Variants in TOP1 observed in about 807,000 individuals in gnomAD.
TOP1 encodes DNA topoisomerase I.
A neutral mutation model predicts 111.1 loss-of-function variants in TOP1; 10 were observed. The observed-to-expected ratio is 0.09, with a 90% CI of 0.06 to 0.15. TOP1 has a LOEUF of 0.15. Among genes scored for constraint, TOP1 ranks in the 10% least tolerant of loss-of-function variants. TOP1 has a pLI of 1.00. For synonymous variants in TOP1, 271 were observed against 302.9 expected (o/e 0.89, Z 1.10); for missense variants, 474 against 926.7 (o/e 0.51, Z 6.34).
chr20:41,028,985 C>A lies in TOP1; in HGVS notation c.-83C>A, dbSNP rs34282819. 84,141 of 1,258,230 alleles carry A rather than the reference C, an allele frequency of 0.067. 3,350 individuals are homozygous for A. Among genetic ancestry groups the A allele is most frequent in the South Asian group, 0.12 (9,222 of 77,652 alleles). 77.9% of individuals were successfully genotyped at this position (1,258,230 alleles called of 1,614,324 possible). ...CGCCTCCTCGAGCCTCCGGAGTCCC[C>A]GTCCGCCCGCACAGGCCGGTTCGCC... On this transcript the variant is annotated 5_prime_UTR_variant, in exon 1 of 21. Coordinates refer to ENST00000361337, the MANE Select transcript of TOP1 (RefSeq NM_003286.4).
chr20:41,080,940 C>T lies in TOP1; in HGVS notation c.432-225C>T, dbSNP rs117926909. On this transcript the variant is annotated intron_variant, in intron 6 of 20. Transcript: ENST00000361337. The surrounding 1 kb of genome is among the most constrained non-coding windows in gnomAD (Gnocchi z 5.0). ...CCCCCACCCTATTTTGCTTCCAGGC[C>T]GGTGTAAGTGGTTTGTTTTGTTCTA... Among the ~76,000 whole-genome samples, 51 of 151,992 alleles carry T rather than the reference C, an allele frequency of 3.4e-4. No individual in the cohort carries two copies. In the East Asian group the frequency reaches 8.1e-3, roughly 24 times the overall value.
chr20:41,084,668 G>T, intron 8 of TOP1, 100 bp downstream of exon 8: 1 of 681,954 alleles, frequency 1.5e-6, no homozygotes, highest in South Asian at 2.6e-5. Context: ...GATATTTGGG[G>T]GGAAATACTT....
rs769377336 is a variant in TOP1 at position 41,116,389 on chromosome 20, G to T, written c.1819G>T (p.Ala607Ser). The T allele has an allele frequency of 6.2e-7, 1 of 1,613,690 alleles. No homozygotes were observed. The highest frequency in any genetic ancestry group is 1.7e-5 in the Admixed American group (1 of 60,026). Residue 607 changes from alanine to serine, a missense_variant, in exon 17 of 21, where the codon GCC (alanine) becomes TCC (serine). Transcript: ENST00000361337. The surrounding 1 kb of genome is among the most constrained non-coding windows in gnomAD (Gnocchi z 5.6). ...TLQQQLKELT[A>S]PDENIPAKIL... ...ACAGCAGCAGCTAAAAGAACTGACA[G>T]CCCGTAAGTATTGCTTGGCCAGATA...
In TOP1 at chr20:41,114,215, ACTG is replaced by A. The variant is rs766029757; in HGVS notation, c.1638+63_1638+65del. 280 of 1,479,582 alleles carry A rather than the reference ACTG, an allele frequency of 1.9e-4. No homozygotes were observed. Among genetic ancestry groups the A allele is most frequent in the Middle Eastern group, 1.4e-3 (6 of 4,140 alleles). 91.7% of individuals were successfully genotyped at this position (1,479,582 alleles called of 1,614,324 possible). On this transcript the variant is annotated intron_variant, in intron 15 of 20. Coordinates refer to ENST00000361337, the MANE Select transcript of TOP1 (RefSeq NM_003286.4). This position sits in a 1 kb window ranked among gnomAD's most constrained non-coding sequence, Gnocchi z 4.5. ...TCCATTATTCAACAAGCATGGGTTG[ACTG>A]CTTTTTTGTGTGCTTTGCACTTTGC...
intron 9 of TOP1, among the ~76,000 whole-genome samples, chr20:41,096,108 C>G (rs2033978328): frequency 6.6e-6 from 1 of 152,030 alleles, no homozygotes; most frequent in Non-Finnish European, 1.5e-5. Context: ...AGTCTGTTGC[C>G]CAGGCTGAAG....
At chr20:41,065,658 A>G (rs1600568775) in intron 3 of TOP1, among the ~76,000 whole-genome samples, 1 of 152,132 alleles carries the variant, frequency 6.6e-6, no homozygotes, top group Non-Finnish European at 1.5e-5. Flanking sequence ...GAATAATACA[A>G]TATTTATCTT....
At chr20:41,064,743 G>A (rs2033586792) in intron 3 of TOP1, among the ~76,000 whole-genome samples, 1 of 151,998 alleles carries the variant, frequency 6.6e-6, no homozygotes, top group South Asian at 2.1e-4. Context: ...CCACTTTTGT[G>A]TGCTCTCTGG....
chr20:41,097,243 A>G lies in TOP1; in HGVS notation c.754A>G (p.Lys252Glu). 1 of 1,614,052 alleles carries G rather than the reference A, an allele frequency of 6.2e-7. No individual in the cohort carries two copies. Among genetic ancestry groups the G allele is most frequent in the Non-Finnish European group, 8.5e-7 (1 of 1,179,998 alleles). The change falls in exon 10 of 21, where the codon AAA becomes GAA. Residue 252 changes from lysine (K) to glutamate (E), a missense_variant. Transcript: ENST00000361337. The surrounding 1 kb of genome is among the most constrained non-coding windows in gnomAD (Gnocchi z 4.2). ...YDGKVMKLSP[K>E]AEEVATFFAK... ...AGGTAAAGTCATGAAGCTGAGCCCC[A>G]AAGCAGAGGAAGTAGCTACGTTCTT... is the stretch of plus-strand genomic sequence containing the variant.
rs6129731 is a variant in TOP1, at chr20:41,032,047, A to T, written c.58+2592A>T. On this transcript the variant is annotated intron_variant, in intron 2 of 20. Coordinates refer to ENST00000361337, the MANE Select transcript of TOP1 (RefSeq NM_003286.4). This position sits in a 1 kb window ranked among gnomAD's most constrained non-coding sequence, Gnocchi z 4.3. The stretch of plus-strand genomic sequence containing the variant: ...GATTGATTTATGTAACTATGAAAAA[A>T]ACTTTAAAAAAAGTAGAAATCAATG... 6.6e-6 allele frequency among the ~76,000 whole-genome samples: 1 copy of T among 151,972 alleles called. No homozygotes were observed. Among genetic ancestry groups the T allele is most frequent in the Admixed American group, 6.5e-5 (1 of 15,274 alleles).
rs2033539989 is a variant in TOP1 at position 41,061,203 on chromosome 20, A to G, written c.59-191A>G. Among the ~76,000 whole-genome samples the G allele has an allele frequency of 6.6e-6, 1 of 152,092 alleles. No individual in the cohort carries two copies. Among genetic ancestry groups the G allele is most frequent in the Non-Finnish European group, 1.5e-5 (1 of 67,998 alleles). On this transcript the variant is annotated intron_variant, in intron 2 of 20. Transcript: ENST00000361337. This position sits in a 1 kb window ranked among gnomAD's most constrained non-coding sequence, Gnocchi z 4.6. ...CTCCCCATATTAGTAACTTGTCTTG[A>G]TTGTAGAAGCAGGCTAATGGGAGCT...
chr20:41,074,246 T>TA (rs1305114978), intron 3 of TOP1, among the ~76,000 whole-genome samples: 6 of 152,072 alleles, frequency 3.9e-5, no homozygotes, highest in African/African-American at 9.7e-5. Context: ...TGCATTTTGG[T>TA]AAAAAACACA....
intron 3 of TOP1, among the ~76,000 whole-genome samples, chr20:41,063,447 T>G (rs2033570476): frequency 6.6e-6 from 1 of 152,246 alleles, no homozygotes; most frequent in Non-Finnish European, 1.5e-5. Context: ...TTCTTTTGGA[T>G]ACATACCAAG....
At position 41,076,191 on chromosome 20, in the gene TOP1, A is replaced by C; in HGVS notation, c.176A>C (p.Lys59Thr). ...HSNSEHKDSE[K>T]KHKEKEKTKH... The stretch of plus-strand genomic sequence containing the variant: ...TACAGTGAACATAAAGATTCTGAAA[A>C]GAAACACAAAGAGAAGGAGAAGACC... The change falls in exon 4 of 21, where the codon AAG becomes ACG. Residue 59 changes from lysine to threonine, a missense_variant. By Grantham distance (78) the Lys-to-Thr change is moderately conservative. Coordinates refer to ENST00000361337, the MANE Select transcript of TOP1 (RefSeq NM_003286.4). 6.2e-7 allele frequency: 1 copy of C among 1,609,676 alleles called. No homozygotes were observed. Among genetic ancestry groups the C allele is most frequent in the South Asian group, 1.1e-5 (1 of 90,740 alleles).
rs1189762507 is a variant in TOP1 at position 41,032,631 on chromosome 20, A to T, written c.58+3176A>T. ...CATTTGACCCCCTTAGCAAAGCACA[A>T]TACTTGGCTCCATCAGTCTTTAGTC... On this transcript the variant is annotated intron_variant, in intron 2 of 20. Coordinates refer to ENST00000361337, the MANE Select transcript of TOP1 (RefSeq NM_003286.4). The surrounding 1 kb of genome is among the most constrained non-coding windows in gnomAD (Gnocchi z 4.3). Among the ~76,000 whole-genome samples, 2 of 152,232 alleles carry T rather than the reference A, an allele frequency of 1.3e-5. No individual in the cohort carries two copies. Among genetic ancestry groups the T allele is most frequent in the African/African-American group, 4.8e-5 (2 of 41,460 alleles).
chr20:41,101,987 A>T lies in TOP1; in HGVS notation c.1308+634A>T, dbSNP rs1034216605. ...ATCAGTTTTTGTTTGCCAGATAGCT[A>T]TGTATATCTAGCTTTGGAGAGTCCC... On this transcript the variant is annotated intron_variant, in intron 13 of 20. Transcript: ENST00000361337. This position sits in a 1 kb window ranked among gnomAD's most constrained non-coding sequence, Gnocchi z 4.1. Among the ~76,000 whole-genome samples the T allele has an allele frequency of 1.3e-5, 2 of 152,228 alleles. No homozygotes were observed. The highest frequency in any genetic ancestry group is 2.9e-5 in the Non-Finnish European group (2 of 68,044).
At chr20:41,044,359 C>T (rs2033306653) in intron 2 of TOP1, among the ~76,000 whole-genome samples, 1 of 152,206 alleles carries the variant, frequency 6.6e-6, no homozygotes, top group Admixed American at 6.5e-5. Context: ...TAAAAAAATT[C>T]CAGTGTTGTC....
intron 3 of TOP1, among the ~76,000 whole-genome samples, chr20:41,063,300 G>A (rs747302255): frequency 3.3e-5 from 5 of 152,134 alleles, no homozygotes; most frequent in South Asian, 2.1e-4. Flanking sequence ...ATAGTATTCC[G>A]TGGTAGATAT....
intron 3 of TOP1, chr20:41,072,533 GC>G: frequency 3.0e-6 from 3 of 985,446 alleles, no homozygotes; most frequent in Non-Finnish European, 3.6e-6. Context: ...TCCTGGCACA[GC>G]CCTGGACATG....
rs1301674538 is a variant in TOP1 at position 41,080,743 on chromosome 20, T to C, written c.432-422T>C. ...GGGAAATACTTAGTGAACTCATTTG[T>C]ATTCATTCAATATAGAATTTCTTTC... On this transcript the variant is annotated intron_variant, in intron 6 of 20. Transcript: ENST00000361337. This position sits in a 1 kb window ranked among gnomAD's most constrained non-coding sequence, Gnocchi z 5.0. Among the ~76,000 whole-genome samples, 2 of 152,246 alleles carry C rather than the reference T, an allele frequency of 1.3e-5. No individual in the cohort carries two copies. The highest frequency in any genetic ancestry group is 4.8e-5 in the African/African-American group (2 of 41,472).
Sources: allele counts gnomAD v4.1 joint callset (sites outside exome capture counted in the v4.1 genomes callset), GRCh38; gene constraint gnomAD v4.1.1; non-coding constraint Gnocchi (gnomAD v3.1); transcripts MANE v1.5; gene names NCBI Gene and HGNC (gene_info 2026-07-23, HGNC 2026-07-21).